Variants in FBLN7 observed in about 807,000 individuals in gnomAD.
FBLN7 encodes the protein fibulin 7, also known as fibulin-7.
FBLN7 carries 31 observed loss-of-function variants against 44.0 expected under a neutral mutation model. That is an observed-to-expected ratio of 0.70 (90% confidence interval 0.53 to 0.95). The LOEUF (loss-of-function observed/expected upper bound fraction) is 0.95. FBLN7 is among the 40% of genes least tolerant of loss of function. FBLN7 has a pLI of 0.00. For synonymous variants in FBLN7, 262 were observed against 253.4 expected (o/e 1.03, Z -0.32); for missense variants, 573 against 618.5 (o/e 0.93, Z 0.78).
At chr2:112,235,268 A>G in the FBLN7 span, among the ~76,000 whole-genome samples, 1 of 152,340 alleles carries the variant, frequency 6.6e-6, no homozygotes, top group Non-Finnish European at 1.5e-5. Flanking sequence ...TGTCTTATAA[A>G]TATCTGCCAG....
rs1558880643 is a variant in FBLN7, at chr2:112,160,828, GCATA to G, written c.235+996_235+999del. Among the ~76,000 whole-genome samples the G allele has an allele frequency of 1.1e-3, 149 of 138,218 alleles. 1 individual carries two copies. The highest frequency in any genetic ancestry group is 4.1e-3 in the African/African-American group (144 of 35,172). 90.7% of individuals were successfully genotyped at this position (138,218 alleles called of 152,430 possible). On this transcript the variant is annotated intron_variant, in intron 2 of 7. Transcript: ENST00000331203. ...CGCACACACACGCACACACAAGCACGCATACACGCACGCACACGCGCACACACAC... is the reference window on the plus strand; with the variant it reads ...CGCACACACACGCACACACAAGCACGCACGCACGCACACGCGCACACACAC...
Position 112,164,264 on chromosome 2 carries a change from G to A in FBLN7, c.236-737G>A, listed in dbSNP as rs745746666. 1.4e-4 allele frequency among the ~76,000 whole-genome samples: 22 copies of A among 152,182 alleles called. 1 individual carries two copies. Among genetic ancestry groups the A allele is most frequent in the Non-Finnish European group, 2.8e-4 (19 of 68,026 alleles). Reference sequence around the variant, plus strand: ...TAAATAAGGCTCCATTCATTCATTTGTTCAAGAATGATTTATGATTTATCC... The same window carrying A: ...TAAATAAGGCTCCATTCATTCATTTATTCAAGAATGATTTATGATTTATCC... On this transcript the variant is annotated intron_variant, in intron 2 of 7. Transcript: ENST00000331203.
At chr2:112,176,405 G>A (rs1246829687) in intron 4 of FBLN7, 1 of 152,346 alleles carries the variant, frequency 6.6e-6, no homozygotes. Flanking sequence ...TGTGGAGGAT[G>A]GACAGGGGTT....
chr2:112,160,679 GACGC>G (rs1558879594), intron 2 of FBLN7, among the ~76,000 whole-genome samples: 15 of 118,216 alleles, frequency 1.3e-4, no homozygotes, highest in Non-Finnish European at 2.3e-4. Context: ...CGCACACGCA[GACGC>G]ACGCACACGC....
At chr2:112,204,731 T>G in the FBLN7 span, among the ~76,000 whole-genome samples, 1 of 152,076 alleles carries the variant, frequency 6.6e-6, no homozygotes, top group Non-Finnish European at 1.5e-5. Context: ...AACAGAAACT[T>G]AGGCATTCTC....
chr2:112,243,969 T>C, the FBLN7 span, among the ~76,000 whole-genome samples: 5 of 151,280 alleles, frequency 3.3e-5, no homozygotes, highest in Non-Finnish European at 7.4e-5. Flanking sequence ...TAAATTGTAA[T>C]TTATGAAATA....
At position 112,186,273 on chromosome 2, in the gene FBLN7, G is replaced by A. The variant is rs534505168; in HGVS notation, c.948-861G>A. On this transcript the variant is annotated intron_variant, in intron 7 of 7. Coordinates refer to ENST00000331203, the MANE Select transcript of FBLN7 (RefSeq NM_153214.3). ...ATTGCATTTGTCTTTTAACAACATA[G>A]AGAAATATCGAAAGCATTTCCACAA... is the stretch of plus-strand genomic sequence containing the variant. Among the ~76,000 whole-genome samples, 220 of 152,236 alleles carry A rather than the reference G, an allele frequency of 1.4e-3. 2 individuals carry two copies. The highest frequency in any genetic ancestry group is 5.0e-3 in the African/African-American group (206 of 41,526).
the FBLN7 span, among the ~76,000 whole-genome samples, chr2:112,209,588 C>T: frequency 6.6e-6 from 1 of 152,288 alleles, no homozygotes; most frequent in Admixed American, 6.5e-5. Flanking sequence ...TGTGTCAGAA[C>T]ATGACTACAT....
intron 2 of FBLN7, among the ~76,000 whole-genome samples, chr2:112,160,716 GCA>G (rs1558879769): frequency 4.3e-5 from 4 of 92,892 alleles, no homozygotes; most frequent in Admixed American, 1.0e-4. Context: ...ACACACACAA[GCA>G]CGCGCACACG....
Position 112,182,912 on chromosome 2 carries a change from C to T in FBLN7, c.792C>T (p.Asp264=), listed in dbSNP as rs779992593. 33 of 1,612,498 alleles carry T rather than the reference C, an allele frequency of 2.0e-5. No homozygotes were observed. Among genetic ancestry groups the T allele is most frequent in the Non-Finnish European group, 2.5e-5 (30 of 1,179,810 alleles). The part of the protein sequence containing the change: ...TCPGGYRTLA[D]GKSCEDVDEC... ...CCGGTGGATACCGAACTCTGGCTGA[C>T]GGGAAGAGCTGTGAGGGTGAGTGAG... Residue 264 remains aspartate (D), a synonymous_variant, in exon 6 of 8, where the codon GAC becomes GAT. Coordinates refer to ENST00000331203, the MANE Select transcript of FBLN7 (RefSeq NM_153214.3).
At position 112,186,519 on chromosome 2, in the gene FBLN7, A is replaced by G. The variant is rs570280172; in HGVS notation, c.948-615A>G. 3.4e-4 allele frequency among the ~76,000 whole-genome samples: 52 copies of G among 152,306 alleles called. No homozygotes were observed. The South Asian group carries it at 0.01, about 30-fold the overall frequency. On this transcript the variant is annotated intron_variant, in intron 7 of 7. Transcript: ENST00000331203. ...GCTGGGCGTGGTGGTGGGCACCTGTAATCCCAGCTACCCAGGAGGCTGAGA... is the reference window on the plus strand; with the variant it reads ...GCTGGGCGTGGTGGTGGGCACCTGTGATCCCAGCTACCCAGGAGGCTGAGA...
chr2:112,205,663 C>A, the FBLN7 span, among the ~76,000 whole-genome samples: 6 of 152,032 alleles, frequency 3.9e-5, no homozygotes, highest in Non-Finnish European at 8.8e-5. Flanking sequence ...AATCTCTAAT[C>A]CATTAAGTTG....
chr2:112,176,128 G>A (rs534976013), intron 4 of FBLN7: 1 of 253,734 alleles, frequency 3.9e-6, no homozygotes, highest in African/African-American at 2.2e-5. Flanking sequence ...TGTGGCCCAA[G>A]AAGTTTCACT....
At position 112,138,610 on chromosome 2, in the gene FBLN7, G is replaced by A. The variant is rs1221338075; in HGVS notation, c.-46G>A. The A allele has an allele frequency of 6.2e-7, 1 of 1,613,220 alleles. No individual in the cohort carries two copies. Among genetic ancestry groups the A allele is most frequent in the Admixed American group, 1.7e-5 (1 of 59,996 alleles). Reference sequence around the variant, plus strand: ...TCGCTGGGACAAACTCGGCAGCGGAGGCAAAGTTATTTCCCCTCCCAGGCA... The same window carrying A: ...TCGCTGGGACAAACTCGGCAGCGGAAGCAAAGTTATTTCCCCTCCCAGGCA... On this transcript the variant is annotated 5_prime_UTR_variant, in exon 1 of 8. Coordinates refer to ENST00000331203, the MANE Select transcript of FBLN7 (RefSeq NM_153214.3).
chr2:112,214,614 GGACGAATGGCTCTTGA>G, the FBLN7 span: 5 of 152,120 alleles, frequency 3.3e-5, no homozygotes, highest in African/African-American at 4.8e-5. Flanking sequence ...AGAGTACTTT[GGACGAATGGCTCTTGA>G]GACGAATGGC....
At chr2:112,149,131 C>T (rs1405530743) in intron 1 of FBLN7, among the ~76,000 whole-genome samples, 1 of 152,158 alleles carries the variant, frequency 6.6e-6, no homozygotes, top group Non-Finnish European at 1.5e-5. Context: ...TAGCAGCCTC[C>T]ACTTCTCCCT....
intron 2 of FBLN7, 83 bp downstream of exon 2, chr2:112,159,918 C>A: frequency 8.0e-7 from 1 of 1,252,264 alleles, no homozygotes; most frequent in Non-Finnish European, 1.0e-6. Context: ...GGAGGCCCCT[C>A]GTCACCCCTC....
At chr2:112,197,270 C>CAG in the FBLN7 span, among the ~76,000 whole-genome samples, 4 of 126,342 alleles carry the variant, frequency 3.2e-5, no homozygotes, top group Non-Finnish European at 5.2e-5. Flanking sequence ...CACACACACA[C>CAG]ACACAGAGAG....
chr2:112,202,400 T>C, the FBLN7 span, among the ~76,000 whole-genome samples: 1 of 151,436 alleles, frequency 6.6e-6, no homozygotes, highest in African/African-American at 2.4e-5. Flanking sequence ...CACTTCTATT[T>C]ATATATTACA....
Sources: gnomAD v4.1 joint callset for allele counts (sites outside exome capture counted in the v4.1 genomes callset) on GRCh38, gnomAD v4.1.1 for gene constraint, MANE v1.5 for transcripts, NCBI Gene and HGNC (gene_info 2026-07-23, HGNC 2026-07-21) for gene names.